MYH11: variants seen among roughly 807,000 people sequenced by gnomAD.
MYH11 encodes the protein myosin heavy chain 11, also known as myosin-11.
MYH11 carries 80 observed loss-of-function variants against 246.6 expected under a neutral mutation model. That is an observed-to-expected ratio of 0.32 (90% confidence interval 0.27 to 0.39). The LOEUF is 0.39. Ranked by LOEUF, MYH11 falls within the 10% of genes least tolerant of loss-of-function variation. The pLI, the probability that MYH11 is intolerant of heterozygous loss-of-function variation, is 1.00. For synonymous variants in MYH11, 1,071 were observed against 1,015.5 expected (o/e 1.05, Z -1.04); for missense variants, 2,158 against 2,546.8 (o/e 0.85, Z 3.29).
chr16:15,706,805 T>C (rs768986720), intron 40 of MYH11, among the ~76,000 whole-genome samples: 18 of 152,240 alleles, frequency 1.2e-4, no homozygotes, highest in Non-Finnish European at 1.9e-4. Flanking sequence ...AGAGTCTATT[T>C]GCTAACTGGA....
intron 3 of MYH11, among the ~76,000 whole-genome samples, chr16:15,806,170 G>A (rs750128142): frequency 1.1e-4 from 16 of 150,920 alleles, no homozygotes; most frequent in South Asian, 2.1e-4. Flanking sequence ...CCAGCTACTC[G>A]GGAGGCTGAG....
rs559179971 is a variant in MYH11 at position 15,728,912 on chromosome 16, G to A, written c.3652-1858C>T. On this transcript the variant is annotated intron_variant, in intron 27 of 40. Coordinates refer to ENST00000300036, the MANE Select transcript of MYH11 (RefSeq NM_002474.3). The stretch of plus-strand genomic sequence containing the variant: ...GAGACTTTGTCTCAAAAAAAAAAGC[G>A]TGTTGGGCAAAAGTAGGACGCGGTG... 1.1e-3 allele frequency among the ~76,000 whole-genome samples: 173 copies of A among 151,820 alleles called. 1 individual carries two copies. The highest frequency in any genetic ancestry group is 3.2e-3 in the African/African-American group (133 of 41,398).
chr16:15,848,848 G>T (rs779057875), intron 1 of MYH11, among the ~76,000 whole-genome samples: 5 of 152,098 alleles, frequency 3.3e-5, no homozygotes, highest in Non-Finnish European at 7.4e-5. Context: ...AAGATCAGAC[G>T]GGGGCAAGGT....
intron 36 of MYH11, 88 bp from the exon 37 acceptor site, chr16:15,718,526 G>A: frequency 6.7e-7 from 1 of 1,492,210 alleles, no homozygotes; most frequent in South Asian, 1.3e-5. Flanking sequence ...CAGGGGTATT[G>A]CCCTCATCAT....
Position 15,776,163 on chromosome 16 carries a change from T to C in MYH11, c.804A>G (p.Lys268=), listed in dbSNP as rs1180741171. The change falls in exon 8 of 41, where the codon AAA becomes AAG. Residue 268 remains lysine (K), a synonymous_variant. Coordinates refer to ENST00000300036, the MANE Select transcript of MYH11 (RefSeq NM_002474.3). ...CTCTGGCTTGGCGAATTGCCCGTGA[T>C]TTTTCTAGCAGATCTGGTTTGGAGG... ...GANIETYLLE[K]SRAIRQARDE... is the part of the protein sequence containing the mutation. The C allele has an allele frequency of 6.2e-7, 1 of 1,613,766 alleles. No homozygotes were observed. Among genetic ancestry groups the C allele is most frequent in the Non-Finnish European group, 8.5e-7 (1 of 1,179,678 alleles).
At chr16:15,733,650 C>A (rs1303399651) in intron 26 of MYH11, among the ~76,000 whole-genome samples, 1 of 152,056 alleles carries the variant, frequency 6.6e-6, no homozygotes, top group African/African-American at 2.4e-5. Flanking sequence ...TCAAGGGATT[C>A]TCCTGCCTCA....
chr16:15,732,636 C>T lies in MYH11; in HGVS notation c.3579G>A (p.Gln1193=), dbSNP rs1251694902. 1 of 1,614,256 alleles carries T rather than the reference C, an allele frequency of 6.2e-7. No individual in the cohort carries two copies. The highest frequency in any genetic ancestry group is 8.5e-7 in the Non-Finnish European group (1 of 1,180,054). The part of the protein sequence containing the change: ...LDEETRSHEA[Q]VQEMRQKHAQ... ...CGTGTTTCTGCCTCATCTCCTGGAC[C>T]TGAGCCTCATGGGACCGCGTCTCTT... Residue 1193 remains glutamine, a synonymous_variant, in exon 27 of 41, where the codon CAG becomes CAA. Coordinates refer to ENST00000300036, the MANE Select transcript of MYH11 (RefSeq NM_002474.3).
intron 27 of MYH11, among the ~76,000 whole-genome samples, chr16:15,730,941 C>G (rs1256304019): frequency 1.3e-5 from 2 of 152,080 alleles, no homozygotes; most frequent in Non-Finnish European, 2.9e-5. Context: ...CAAATTATGC[C>G]GGAGAGAGCT....
chr16:15,711,309 T>C (rs1377211338), intron 40 of MYH11: 3 of 152,180 alleles, frequency 2.0e-5, no homozygotes, highest in South Asian at 2.1e-4. Context: ...TTCCAACTCT[T>C]TTTAAACAAG....
In MYH11 at chr16:15,838,875, AG is replaced by A. The variant is rs200220303; in HGVS notation, c.-17-607del. Among the ~76,000 whole-genome samples the A allele has an allele frequency of 1.0e-3, 132 of 126,852 alleles. 2 individuals carry two copies. The highest frequency in any genetic ancestry group is 3.8e-3 in the African/African-American group (128 of 33,716). 83.2% of individuals were successfully genotyped at this position (126,852 alleles called of 152,430 possible). A position where few individuals can be genotyped will look rare whatever the true frequency, so the allele number is the denominator to read the frequency against. ...CCATCTCAAAAAAAAAAAAAAAAAA[AG>A]AAGAAGAAGCCGGAAGTAAGTGTAC... On this transcript the variant is annotated intron_variant, in intron 1 of 40. Coordinates refer to ENST00000300036, the MANE Select transcript of MYH11 (RefSeq NM_002474.3).
intron 2 of MYH11, among the ~76,000 whole-genome samples, chr16:15,832,573 A>G (rs986828513): frequency 6.6e-6 from 1 of 152,246 alleles, no homozygotes; most frequent in African/African-American, 2.4e-5. Flanking sequence ...TGCCAGAAAC[A>G]GATTTCTTTT....
chr16:15,748,009 C>A, intron 17 of MYH11, 38 bp downstream of exon 17: 1 of 1,614,226 alleles, frequency 6.2e-7, no homozygotes, highest in Non-Finnish European at 8.5e-7. Flanking sequence ...CAGTCCCGCT[C>A]ACCCCCTGCC....
chr16:15,758,095 G>GGCCC, intron 12 of MYH11, 95 bp from the exon 13 acceptor site: 1 of 1,567,682 alleles, frequency 6.4e-7, no homozygotes. Context: ...GCGCCCCCAT[G>GGCCC]GCCCGCCCAC....
In MYH11 at chr16:15,741,757, T is replaced by C. The variant is rs1480678047; in HGVS notation, c.2652+3A>G. On this transcript the variant is annotated splice_donor_region_variant and intron_variant, in intron 21 of 40. Transcript: ENST00000300036. ...AACCCCAGCCATGCATCCATACAGGTACCTGCGAGTGCTTCTGTTCCAGCT... is the reference window on the plus strand; with the variant it reads ...AACCCCAGCCATGCATCCATACAGGCACCTGCGAGTGCTTCTGTTCCAGCT... 2 of 1,614,158 alleles carry C rather than the reference T, an allele frequency of 1.2e-6. No homozygotes were observed. Among genetic ancestry groups the C allele is most frequent in the Admixed American group, 1.7e-5 (1 of 60,022 alleles).
chr16:15,726,059 T>G lies in MYH11; in HGVS notation c.3858+789A>C, dbSNP rs147741620. 1.7e-3 allele frequency: 331 copies of G among 200,008 alleles called. No homozygotes were observed. The highest frequency in any genetic ancestry group is 4.9e-3 in the African/African-American group (212 of 43,408). The allele number at this position is 200,008 out of a possible 1,614,324, so 12.4% of individuals were successfully genotyped here. A position where few individuals can be genotyped will look rare whatever the true frequency, so the allele number is the denominator to read the frequency against. The stretch of plus-strand genomic sequence containing the variant: ...CAGGGCCTTTGCACACGCTGTTCCC[T>G]CTGCCTGGTAGACTTATCCATGCTC... On this transcript the variant is annotated intron_variant, in intron 28 of 40. Transcript: ENST00000300036.
rs1391587565 is a variant in MYH11, at chr16:15,724,812, T to G, written c.3964-13A>C. The G allele has an allele frequency of 6.2e-7, 1 of 1,613,724 alleles. No individual in the cohort carries two copies. The highest frequency in any genetic ancestry group is 1.1e-5 in the South Asian group (1 of 91,080). On this transcript the variant is annotated splice_polypyrimidine_tract_variant and intron_variant, in intron 29 of 40. Coordinates refer to ENST00000300036, the MANE Select transcript of MYH11 (RefSeq NM_002474.3). ...CTTGAAGCAGCTCCTGCAAAAGGGATGCAAAGAGGTCCCAGGGACCTGCCC... is the reference window on the plus strand; with the variant it reads ...CTTGAAGCAGCTCCTGCAAAAGGGAGGCAAAGAGGTCCCAGGGACCTGCCC...
intron 15 of MYH11, 43 bp downstream of exon 15, chr16:15,753,351 C>T: frequency 6.4e-7 from 1 of 1,569,370 alleles, no homozygotes; most frequent in Non-Finnish European, 8.8e-7. Flanking sequence ...GTTCAATTCT[C>T]CAGCTCAAAG....
chr16:15,847,424 G>A (rs1455832029), intron 1 of MYH11, among the ~76,000 whole-genome samples: 1 of 151,800 alleles, frequency 6.6e-6, no homozygotes, highest in Non-Finnish European at 1.5e-5. Context: ...CTATTTTCCT[G>A]TATTCTTTGT....
chr16:15,821,478 T>G (rs2043408546), intron 3 of MYH11, among the ~76,000 whole-genome samples: 1 of 152,184 alleles, frequency 6.6e-6, no homozygotes, highest in African/African-American at 2.4e-5. Context: ...TATTAAAGAC[T>G]TTTTCAAGTT....
Sources: allele counts gnomAD v4.1 joint callset (sites outside exome capture counted in the v4.1 genomes callset), GRCh38; gene constraint gnomAD v4.1.1; transcripts MANE v1.5; gene names NCBI Gene and HGNC (gene_info 2026-07-23, HGNC 2026-07-21).